INSYN1: variants seen among roughly 807,000 people sequenced by gnomAD.
INSYN1 encodes inhibitory synaptic factor 1.
A neutral mutation model predicts 17.1 loss-of-function variants in INSYN1; 7 were observed. The observed-to-expected ratio is 0.41, with a 90% CI of 0.23 to 0.77. INSYN1 has a LOEUF of 0.77. INSYN1 is among the 30% of genes least tolerant of loss of function. INSYN1 has a pLI of 0.32. For synonymous variants in INSYN1, 174 were observed against 166.3 expected, an observed-to-expected ratio of 1.05 and a Z score of -0.36; for missense variants, 339 against 400.6, an observed-to-expected ratio of 0.85 and a Z score of 1.31.
In INSYN1 at chr15:73,738,916, C is replaced by T. The variant is rs946972662; in HGVS notation, c.*1001G>A. 4.6e-5 allele frequency: 7 copies of T among 152,280 alleles called. No homozygotes were observed. The highest frequency in any genetic ancestry group is 1.7e-4 in the African/African-American group (7 of 41,434). 9.4% of individuals were successfully genotyped at this position (152,280 alleles called of 1,614,324 possible). Reference sequence around the variant, plus strand: ...TGCTGGCCATGCCCCAGATGAAGCCCTGGTACCTCTAGGCTGTAACCTCAT... The same window carrying T: ...TGCTGGCCATGCCCCAGATGAAGCCTTGGTACCTCTAGGCTGTAACCTCAT... On this transcript the variant is annotated 3_prime_UTR_variant, in exon 3 of 3. Coordinates refer to ENST00000569673, the MANE Select transcript of INSYN1 (RefSeq NM_001039614.3).
rs138123176 is a variant in INSYN1 at position 73,740,405 on chromosome 15, G to C, written c.394C>G (p.Arg132Gly). 15 of 1,610,844 alleles carry C rather than the reference G, an allele frequency of 9.3e-6. No individual in the cohort carries two copies. In the East Asian group the frequency reaches 3.3e-4, roughly 36 times the overall value. ...CGGTAGTCAGGGCCAGCCCCTGGCC[G>C]AGTCGACTCGGGACCATCCACGGAG... ...SDSVDGPEST[R>G]PGAGPDYRLM... is the part of the protein sequence containing the mutation. The change falls in exon 3 of 3, where the codon CGG (arginine) becomes GGG (glycine). Residue 132 changes from arginine to glycine, a missense_variant. Arg to Gly is a moderately radical substitution (Grantham distance 125). Transcript: ENST00000569673.
Position 73,751,236 on chromosome 15 carries a change from C to A in INSYN1, c.-106G>T. ...GGCTGGGCAGAGCTCCACATTTTAA[C>A]GGCCCCCCAGCCCACCCTGGCCCTG... On this transcript the variant is annotated 5_prime_UTR_variant, in exon 2 of 3. Coordinates refer to ENST00000569673, the MANE Select transcript of INSYN1 (RefSeq NM_001039614.3). The A allele has an allele frequency of 7.2e-7, 1 of 1,387,846 alleles. No individual in the cohort carries two copies. The highest frequency in any genetic ancestry group is 9.8e-7 in the Non-Finnish European group (1 of 1,021,768). The allele number at this position is 1,387,846 out of a possible 1,614,324, so 86.0% of individuals were successfully genotyped here.
At position 73,751,140 on chromosome 15, in the gene INSYN1, C is replaced by T; in HGVS notation, c.-10G>A. On this transcript the variant is annotated 5_prime_UTR_variant, in exon 2 of 3. It adds an upstream start codon to the 5' untranslated region. Coordinates refer to ENST00000569673, the MANE Select transcript of INSYN1 (RefSeq NM_001039614.3). ...CGCCCCGAATGTTCATCGTTTACCACGTGGCCGCAGGCCTGCCCATACTCC... is the reference window on the plus strand; with the variant it reads ...CGCCCCGAATGTTCATCGTTTACCATGTGGCCGCAGGCCTGCCCATACTCC... 4 of 1,613,118 alleles carry T rather than the reference C, an allele frequency of 2.5e-6. No individual in the cohort carries two copies. The highest frequency in any genetic ancestry group is 2.5e-6 in the Non-Finnish European group (3 of 1,179,950).
At position 73,736,284 on chromosome 15, in the gene INSYN1, T is replaced by A. The variant is rs1161239960; in HGVS notation, c.*3633A>T. ...TATCCCTAGCTGGCCACATTTTGTG[T>A]TTCAAGTCTGAAGAAGCCACTGGGG... is the stretch of plus-strand genomic sequence containing the variant. On this transcript the variant is annotated 3_prime_UTR_variant, in exon 3 of 3. Transcript: ENST00000569673. The A allele has an allele frequency of 6.6e-6, 1 of 152,302 alleles. No homozygotes were observed. Among genetic ancestry groups the A allele is most frequent in the Non-Finnish European group, 1.5e-5 (1 of 68,138 alleles). 9.4% of individuals were successfully genotyped at this position (152,302 alleles called of 1,614,324 possible).
intron 2 of INSYN1, among the ~76,000 whole-genome samples, chr15:73,749,703 TGGCC>T (rs1390891366): frequency 6.6e-6 from 1 of 152,226 alleles, no homozygotes; most frequent in Non-Finnish European, 1.5e-5. Context: ...ACCCAGACTA[TGGCC>T]GGCCCAGTCC....
Position 73,752,854 on chromosome 15 carries a change from G to C in INSYN1, c.-1312C>G, listed in dbSNP as rs186972601. 6.6e-6 allele frequency: 1 copy of C among 151,370 alleles called. No homozygotes were observed. Among genetic ancestry groups the C allele is most frequent in the Non-Finnish European group, 1.5e-5 (1 of 67,782 alleles). The allele number at this position is 151,370 out of a possible 1,614,324, so 9.4% of individuals were successfully genotyped here. On this transcript the variant is annotated 5_prime_UTR_variant, in exon 1 of 3. Transcript: ENST00000569673. The surrounding 1 kb of genome is among the most constrained non-coding windows in gnomAD (Gnocchi z 5.2). ...GCCCAGCCGAGAGCGCGCGAAGCCG[G>C]GGGCCCCGGCCGGGCTGGGTTCGGC... is the stretch of plus-strand genomic sequence containing the variant.
At chr15:73,749,978 GC>G (rs1901938080) in intron 2 of INSYN1, among the ~76,000 whole-genome samples, 1 of 152,152 alleles carries the variant, frequency 6.6e-6, no homozygotes, top group African/African-American at 2.4e-5. Flanking sequence ...CCTTCCTAGA[GC>G]CCCTATCCTC....
intron 2 of INSYN1, among the ~76,000 whole-genome samples, chr15:73,748,066 T>C (rs1278456172): frequency 6.6e-6 from 1 of 151,982 alleles, no homozygotes; most frequent in East Asian, 1.9e-4. Context: ...TAGGTGTTGA[T>C]CCCCGCGCCC....
rs1901984168 is a variant in INSYN1, at chr15:73,751,496, AG to A, written c.-367del. The A allele has an allele frequency of 3.6e-6, 1 of 274,668 alleles. No homozygotes were observed. Among genetic ancestry groups the A allele is most frequent in the African/African-American group, 2.1e-5 (1 of 46,910 alleles). The allele number at this position is 274,668 out of a possible 1,614,324, so 17.0% of individuals were successfully genotyped here. On this transcript the variant is annotated 5_prime_UTR_variant, in exon 2 of 3. Transcript: ENST00000569673. ...CACAGAGGCAGGGGGATGACTCTGC[AG>A]GGACTAAGGGTAAGAGATGCCCTTG...
chr15:73,740,197 T>C lies in INSYN1; in HGVS notation c.602A>G (p.Asp201Gly). 12 of 1,614,032 alleles carry C rather than the reference T, an allele frequency of 7.4e-6. No individual in the cohort carries two copies. The highest frequency in any genetic ancestry group is 1.0e-5 in the Non-Finnish European group (12 of 1,179,990). The part of the protein sequence containing the change: ...KVLYHALCCD[D>G]EEGDGEQEVE... ...CTCCTGCTCACCGTCCCCCTCCTCA[T>C]CGTCACAGCACAGAGCATGGTAGAG... The change falls in exon 3 of 3, where the codon GAT becomes GGT. Residue 201 changes from aspartate (D) to glycine (G), a missense_variant. Coordinates refer to ENST00000569673, the MANE Select transcript of INSYN1 (RefSeq NM_001039614.3).
In INSYN1 at chr15:73,740,465, A is replaced by C. The variant is rs1260468054; in HGVS notation, c.334T>G (p.Phe112Val). 1.2e-6 allele frequency: 2 copies of C among 1,613,814 alleles called. No individual in the cohort carries two copies. The highest frequency in any genetic ancestry group is 1.7e-6 in the Non-Finnish European group (2 of 1,180,008). The change falls in exon 3 of 3, where the codon TTC becomes GTC. Residue 112 changes from phenylalanine (F) to valine (V), a missense_variant. Coordinates refer to ENST00000569673, the MANE Select transcript of INSYN1 (RefSeq NM_001039614.3). The part of the protein sequence containing the change: ...TADILSDSWE[F>V]CSFLDVSTPS... ...GTAGAGACGTCCAGGAAGGAGCAGA[A>C]CTCCCAGCTGTCTGAGAGGATATCG...
Position 73,751,016 on chromosome 15 carries a change from T to G in INSYN1, c.115A>C (p.Ile39Leu). 6.2e-7 allele frequency: 1 copy of G among 1,614,120 alleles called. No individual in the cohort carries two copies. The highest frequency in any genetic ancestry group is 1.1e-5 in the South Asian group (1 of 91,082). ...MKMVIGQLEG[I>L]LRELKEVAKE... is the part of the protein sequence containing the mutation. The stretch of plus-strand genomic sequence containing the variant: ...GCCACCTCCTTGAGCTCGCGAAGGA[T>G]GCCCTCAAGCTGCCCGATGACCATC... The change falls in exon 2 of 3, where the codon ATC becomes CTC. Residue 39 changes from isoleucine (I) to leucine (L), a missense_variant. By Grantham distance (5) the Ile-to-Leu change is conservative. Coordinates refer to ENST00000569673, the MANE Select transcript of INSYN1 (RefSeq NM_001039614.3).
chr15:73,745,810 AAAAACAAAAC>A (rs10623860), intron 2 of INSYN1, among the ~76,000 whole-genome samples: 1 of 149,804 alleles, frequency 6.7e-6, no homozygotes, highest in African/African-American at 2.5e-5. Flanking sequence ...CTCCGTCTCA[AAAAACAAAAC>A]AAAACAAAAC....
intron 2 of INSYN1, among the ~76,000 whole-genome samples, chr15:73,741,426 G>A (rs2141464790): frequency 6.6e-6 from 1 of 152,334 alleles, no homozygotes; most frequent in African/African-American, 2.4e-5. Flanking sequence ...TCAGGGGGCA[G>A]CTCAGCTGTG....
intron 2 of INSYN1, among the ~76,000 whole-genome samples, chr15:73,744,886 G>A (rs1901781935): frequency 6.6e-6 from 1 of 151,228 alleles, no homozygotes; most frequent in South Asian, 2.2e-4. Flanking sequence ...AGACTGGGAG[G>A]AGCTGAGCTG....
chr15:73,749,615 C>G (rs774335254), intron 2 of INSYN1, among the ~76,000 whole-genome samples: 2 of 152,224 alleles, frequency 1.3e-5, no homozygotes, highest in Non-Finnish European at 2.9e-5. Flanking sequence ...TGCCTTGGAC[C>G]CAAGAGTTTG....
Position 73,735,658 on chromosome 15 carries a change from C to T in INSYN1, c.*4259G>A, listed in dbSNP as rs1246288737. 6.6e-6 allele frequency: 1 copy of T among 152,170 alleles called. No individual in the cohort carries two copies. Among genetic ancestry groups the T allele is most frequent in the African/African-American group, 2.4e-5 (1 of 41,416 alleles). 9.4% of individuals were successfully genotyped at this position (152,170 alleles called of 1,614,324 possible). The stretch of plus-strand genomic sequence containing the variant: ...CAGCCCCGACCCTCACCTCCAGTGA[C>T]CAGGCCACCCACTCCAGGCATTTTA... On this transcript the variant is annotated 3_prime_UTR_variant, in exon 3 of 3. Transcript: ENST00000569673.
Position 73,735,890 on chromosome 15 carries a change from A to G in INSYN1, c.*4027T>C, listed in dbSNP as rs1425447249. The G allele has an allele frequency of 6.6e-6, 1 of 152,250 alleles. No homozygotes were observed. Among genetic ancestry groups the G allele is most frequent in the Admixed American group, 6.5e-5 (1 of 15,286 alleles). The allele number at this position is 152,250 out of a possible 1,614,324, so 9.4% of individuals were successfully genotyped here. A position where few individuals can be genotyped will look rare whatever the true frequency, so the allele number is the denominator to read the frequency against. ...TAAATGAGATAAGACATACACTTAGAACAATGCCCAGTGCCTAGCACGTGC... is the reference window on the plus strand; with the variant it reads ...TAAATGAGATAAGACATACACTTAGGACAATGCCCAGTGCCTAGCACGTGC... On this transcript the variant is annotated 3_prime_UTR_variant, in exon 3 of 3. Coordinates refer to ENST00000569673, the MANE Select transcript of INSYN1 (RefSeq NM_001039614.3).
intron 2 of INSYN1, among the ~76,000 whole-genome samples, chr15:73,744,574 A>G (rs931051376): frequency 1.3e-5 from 2 of 152,142 alleles, no homozygotes; most frequent in African/African-American, 4.8e-5. Flanking sequence ...TCCTGGGCCA[A>G]TGGTGAGGGC....
Sources: allele counts gnomAD v4.1 joint callset (sites outside exome capture counted in the v4.1 genomes callset), GRCh38; gene constraint gnomAD v4.1.1; non-coding constraint Gnocchi (gnomAD v3.1); transcripts MANE v1.5; gene names NCBI Gene and HGNC (gene_info 2026-07-23, HGNC 2026-07-21).